Variants in DLGAP1 observed in about 807,000 individuals in gnomAD.
The protein encoded by DLGAP1 is disks large-associated protein 1.
A neutral mutation model predicts 90.8 loss-of-function variants in DLGAP1; 11 were observed. The ratio of observed to expected loss-of-function variants is 0.12; its 90% CI spans 0.08 to 0.20. The LOEUF (loss-of-function observed/expected upper bound fraction) is 0.20. Among genes scored for constraint, DLGAP1 ranks in the 10% least tolerant of loss-of-function variants. DLGAP1 has a pLI of 1.00. For synonymous variants in DLGAP1, 558 were observed against 540.7 expected, an observed-to-expected ratio of 1.03 and a Z score of -0.44; for missense variants, 1,050 against 1,333.8, an observed-to-expected ratio of 0.79 and a Z score of 3.31.
rs1358788445 is a variant in DLGAP1 at position 3,711,725 on chromosome 18, G to C, written c.1591+17410C>G. ...CTCAGTGGCACCACCTGTGGTCCCA[G>C]CTACTTGGGAGGCTCAGGTGGGAGG... On this transcript the variant is annotated intron_variant, in intron 7 of 12. Coordinates refer to ENST00000315677, the MANE Select transcript of DLGAP1 (RefSeq NM_004746.4). The surrounding 1 kb of genome is among the most constrained non-coding windows in gnomAD (Gnocchi z 4.0). 6.6e-6 allele frequency among the ~76,000 whole-genome samples: 1 copy of C among 152,172 alleles called. No homozygotes were observed. Among genetic ancestry groups the C allele is most frequent in the African/African-American group, 2.4e-5 (1 of 41,444 alleles).
At chr18:3,590,828 G>A (rs973023523) in intron 7 of DLGAP1, among the ~76,000 whole-genome samples, 8 of 151,718 alleles carry the variant, frequency 5.3e-5, no homozygotes, top group East Asian at 1.9e-4. Flanking sequence ...GAGCCGAGAC[G>A]GTGCCATTGC....
intron 7 of DLGAP1, among the ~76,000 whole-genome samples, chr18:3,620,080 A>G (rs1455700611): frequency 1.3e-5 from 2 of 151,968 alleles, no homozygotes; most frequent in African/African-American, 4.8e-5. Context: ...CCTTCTAGGG[A>G]AAAAAAGGAC....
At chr18:4,161,120 G>A (rs574028735) in intron 1 of DLGAP1, among the ~76,000 whole-genome samples, 38 of 150,996 alleles carry the variant, frequency 2.5e-4, no homozygotes, top group Non-Finnish European at 5.0e-4. Context: ...TGCAGGATGT[G>A]CAGGTTTGTT....
intron 9 of DLGAP1, among the ~76,000 whole-genome samples, chr18:3,564,487 C>A (rs968352578): frequency 6.6e-6 from 1 of 152,140 alleles, no homozygotes; most frequent in African/African-American, 2.4e-5. Flanking sequence ...GTTTCTGCTG[C>A]GTGCAGGCCC....
At chr18:4,296,267 C>A (rs1480544508) in intron 1 of DLGAP1, among the ~76,000 whole-genome samples, 1 of 113,372 alleles carries the variant, frequency 8.8e-6, no homozygotes, top group African/African-American at 2.7e-5. Context: ...TGTAACTCAC[C>A]TTTATAACTC....
intron 5 of DLGAP1, among the ~76,000 whole-genome samples, chr18:3,790,195 G>T (rs1348379691): frequency 6.6e-6 from 1 of 152,046 alleles, no homozygotes; most frequent in African/African-American, 2.4e-5. Flanking sequence ...GATGCCCAGT[G>T]AATGGTGGAA....
intron 9 of DLGAP1, among the ~76,000 whole-genome samples, chr18:3,563,367 C>A (rs1385585591): frequency 6.6e-6 from 1 of 151,872 alleles, no homozygotes; most frequent in African/African-American, 2.4e-5. Context: ...GCTTCTGTTC[C>A]TTTCTCCATC....
chr18:3,621,140 C>T (rs12457904), intron 7 of DLGAP1, among the ~76,000 whole-genome samples: 8,140 of 152,236 alleles, frequency 0.053, 305 homozygotes, highest in Non-Finnish European at 0.074. Context: ...CAGTGGCTCA[C>T]ACCTGTAGTC....
intron 7 of DLGAP1, among the ~76,000 whole-genome samples, chr18:3,600,973 G>GAT (rs1362666723): frequency 9.2e-6 from 1 of 109,056 alleles, no homozygotes; most frequent in Non-Finnish European, 1.9e-5. Flanking sequence ...TATATAGATA[G>GAT]ATATATAGAT....
intron 1 of DLGAP1, among the ~76,000 whole-genome samples, chr18:4,337,651 A>G (rs1006654101): frequency 6.6e-6 from 1 of 152,192 alleles, no homozygotes; most frequent in South Asian, 2.1e-4. Flanking sequence ...CCAATTGTCA[A>G]TTCCAACAAA....
At chr18:4,406,508 G>A (rs928421174) in intron 1 of DLGAP1, among the ~76,000 whole-genome samples, 3 of 152,190 alleles carry the variant, frequency 2.0e-5, no homozygotes, top group Non-Finnish European at 4.4e-5. Flanking sequence ...AGGTGGGGAA[G>A]GTATTATCAT....
chr18:4,348,794 G>A (rs2081352113), intron 1 of DLGAP1, among the ~76,000 whole-genome samples: 1 of 151,952 alleles, frequency 6.6e-6, no homozygotes, highest in African/African-American at 2.4e-5. Flanking sequence ...ACTAAATGAT[G>A]ATAATAATGA....
chr18:3,838,982 G>A (rs2068555331), intron 4 of DLGAP1, among the ~76,000 whole-genome samples: 1 of 152,128 alleles, frequency 6.6e-6, no homozygotes, highest in African/African-American at 2.4e-5. Context: ...AAGAAAACTT[G>A]TTCCTAAATT....
intron 4 of DLGAP1, among the ~76,000 whole-genome samples, chr18:3,855,148 T>C (rs1273874047): frequency 2.0e-5 from 3 of 152,158 alleles, no homozygotes; most frequent in Non-Finnish European, 4.4e-5. Context: ...GCAACATGGA[T>C]GGAACTAGAG....
At chr18:4,227,785 T>C (rs1213141114) in intron 1 of DLGAP1, among the ~76,000 whole-genome samples, 1 of 149,648 alleles carries the variant, frequency 6.7e-6, no homozygotes, top group Non-Finnish European at 1.5e-5. Context: ...ATGGTGCATC[T>C]TAAAGAATCA....
intron 1 of DLGAP1, among the ~76,000 whole-genome samples, chr18:4,318,559 T>G (rs2080592006): frequency 6.6e-6 from 1 of 152,156 alleles, no homozygotes; most frequent in African/African-American, 2.4e-5. Context: ...CAAGAATTGG[T>G]AGGATATACA....
In DLGAP1 at chr18:3,721,156, G is replaced by A. The variant is rs563052097; in HGVS notation, c.1591+7979C>T. On this transcript the variant is annotated intron_variant, in intron 7 of 12. Coordinates refer to ENST00000315677, the MANE Select transcript of DLGAP1 (RefSeq NM_004746.4). Reference sequence around the variant, plus strand: ...TTTTTCTAGTTTGTGTTTTCTGATTGACCTTTGTAACTGAGTTGCTATTGT... The same window carrying A: ...TTTTTCTAGTTTGTGTTTTCTGATTAACCTTTGTAACTGAGTTGCTATTGT... Among the ~76,000 whole-genome samples, 22 of 152,206 alleles carry A rather than the reference G, an allele frequency of 1.4e-4. No individual in the cohort carries two copies. In the South Asian group the frequency reaches 4.6e-3, roughly 32 times the overall value.
intron 7 of DLGAP1, among the ~76,000 whole-genome samples, chr18:3,682,558 C>T (rs189597772): frequency 3.9e-5 from 6 of 152,282 alleles, no homozygotes; most frequent in Admixed American, 3.9e-4. Flanking sequence ...TATAAAGATG[C>T]TATTCATTTA....
intron 1 of DLGAP1, among the ~76,000 whole-genome samples, chr18:4,188,963 C>G (rs1044702706): frequency 1.3e-5 from 2 of 152,132 alleles, no homozygotes; most frequent in Non-Finnish European, 2.9e-5. Context: ...ATGTTGTCAT[C>G]AATGTTTTAT....
Sources: allele counts gnomAD v4.1 joint callset (sites outside exome capture counted in the v4.1 genomes callset), GRCh38; gene constraint gnomAD v4.1.1; non-coding constraint Gnocchi (gnomAD v3.1); transcripts MANE v1.5; gene names NCBI Gene and HGNC (gene_info 2026-07-23, HGNC 2026-07-21).